Variants in CCDC144A observed in about 807,000 individuals in gnomAD.
The protein encoded by CCDC144A is coiled-coil domain-containing protein 144A.
A neutral mutation model predicts 143.8 loss-of-function variants in CCDC144A; 41 were observed. The observed-to-expected ratio is 0.29, with a 90% CI of 0.22 to 0.37. CCDC144A has a LOEUF of 0.37. Ranked by LOEUF, CCDC144A falls within the 10% of genes least tolerant of loss-of-function variation. The pLI, the probability that CCDC144A is intolerant of heterozygous loss-of-function variation, is 1.00. For missense variants in CCDC144A, 637 were observed against 1,488.8 expected (o/e 0.43, Z 9.41); for synonymous variants, 242 against 517.9 (o/e 0.47, Z 7.23).
chr17:16,713,908 T>A (rs1912593754), intron 6 of CCDC144A, among the ~76,000 whole-genome samples: 1 of 152,204 alleles, frequency 6.6e-6, no homozygotes, highest in South Asian at 2.1e-4. Context: ...TCTTGTCCAT[T>A]CACTCTTGAG....
At chr17:16,668,415 A>G in the CCDC144A span, among the ~76,000 whole-genome samples, 1 of 152,112 alleles carries the variant, frequency 6.6e-6, no homozygotes, top group South Asian at 2.1e-4. Context: ...CTAAGCTTCA[A>G]TTGTTTATAA....
At chr17:16,667,314 CTGAGGA>C in the CCDC144A span, among the ~76,000 whole-genome samples, 1 of 140,320 alleles carries the variant, frequency 7.1e-6, no homozygotes, top group Non-Finnish European at 1.5e-5. Flanking sequence ...GGCTGAGGGG[CTGAGGA>C]GGCTGAGGAG....
At chr17:16,753,381 T>C (rs1914890135) in intron 12 of CCDC144A, among the ~76,000 whole-genome samples, 1 of 151,568 alleles carries the variant, frequency 6.6e-6, no homozygotes, top group Non-Finnish European at 1.5e-5. Context: ...GCATGCAATA[T>C]CTTCCATGTT....
At chr17:16,690,794 T>C in intron 1 of CCDC144A, 50 bp downstream of exon 1, 1 of 1,538,826 alleles carries the variant, frequency 6.5e-7, no homozygotes, top group Non-Finnish European at 8.8e-7. Context: ...ACTGGCTTTC[T>C]GGTGCCCGCA....
Position 16,772,386 on chromosome 17 carries a change from G to A in CCDC144A, c.4141+367G>A, listed in dbSNP as rs1215826674. The stretch of plus-strand genomic sequence containing the variant: ...GGCCAAAACATCCCAGTCTCATCTA[G>A]TAACCTATTCAAGCAGTTACAGTTT... On this transcript the variant is annotated intron_variant, in intron 16 of 16. Coordinates refer to ENST00000399273, the MANE Select transcript of CCDC144A (RefSeq NM_001382000.1). 4.6e-5 allele frequency among the ~76,000 whole-genome samples: 7 copies of A among 151,818 alleles called. 1 individual carries two copies. Among genetic ancestry groups the A allele is most frequent in the Admixed American group, 3.9e-4 (6 of 15,224 alleles).
At chr17:16,729,734 A>G (rs2143224961) in intron 9 of CCDC144A, among the ~76,000 whole-genome samples, 1 of 151,294 alleles carries the variant, frequency 6.6e-6, no homozygotes, top group South Asian at 2.1e-4. Context: ...TTGTATTTTT[A>G]GTAAGACAAG....
At chr17:16,764,267 G>A in intron 15 of CCDC144A, 92 bp downstream of exon 15, 1 of 1,536,250 alleles carries the variant, frequency 6.5e-7, no homozygotes, top group Non-Finnish European at 8.8e-7. Flanking sequence ...CTTGTGTATG[G>A]TAAGTAAAAG....
rs1366849425 is a variant in CCDC144A at position 16,775,726 on chromosome 17, A to G, written c.*2093A>G. 1.3e-5 allele frequency: 2 copies of G among 152,264 alleles called. No individual in the cohort carries two copies. Among genetic ancestry groups the G allele is most frequent in the African/African-American group, 2.4e-5 (1 of 41,542 alleles). 9.4% of individuals were successfully genotyped at this position (152,264 alleles called of 1,614,324 possible). On this transcript the variant is annotated 3_prime_UTR_variant, in exon 17 of 17. Coordinates refer to ENST00000399273, the MANE Select transcript of CCDC144A (RefSeq NM_001382000.1). The stretch of plus-strand genomic sequence containing the variant: ...TAGTTTAATTAGATCCCATTTGTCA[A>G]TTTTGGCTTTTGTTGCAATTGCTTT...
upstream of CCDC144A, chr17:16,690,051 G>T (rs1229681113): frequency 2.2e-5 from 4 of 179,258 alleles, no homozygotes; most frequent in African/African-American, 9.4e-5. Flanking sequence ...TTTCTGGGAG[G>T]CTGGAGCTGC....
intron 12 of CCDC144A, among the ~76,000 whole-genome samples, chr17:16,757,994 G>A (rs1915178094): frequency 6.6e-6 from 1 of 152,134 alleles, no homozygotes; most frequent in Admixed American, 6.5e-5. Flanking sequence ...CTGAATTCCA[G>A]TATACTCTCT....
chr17:16,773,143 G>A (rs545974362), intron 16 of CCDC144A, among the ~76,000 whole-genome samples: 158 of 151,928 alleles, frequency 1.0e-3, no homozygotes, highest in African/African-American at 3.7e-3. Flanking sequence ...AGTTAACTAT[G>A]AAATATATAG....
the CCDC144A span, among the ~76,000 whole-genome samples, chr17:16,673,128 G>A: frequency 2.0e-5 from 3 of 151,960 alleles, no homozygotes. Flanking sequence ...TGTTGAGGTT[G>A]GTAGCATTTT....
intron 12 of CCDC144A, among the ~76,000 whole-genome samples, chr17:16,756,899 G>A (rs1291334204): frequency 1.2e-4 from 18 of 152,230 alleles, no homozygotes; most frequent in African/African-American, 2.4e-4. Flanking sequence ...CAACATCAGC[G>A]TCTGTAAGTT....
chr17:16,753,428 G>GTTTTTTTTGTTGTTGTTGTTGTTTTTT (rs1914896834), intron 12 of CCDC144A, among the ~76,000 whole-genome samples: 1 of 57,376 alleles, frequency 1.7e-5, no homozygotes, highest in African/African-American at 7.0e-5. Flanking sequence ...GTGTTTTGTA[G>GTTTTTTTTGTTGTTGTTGTTGTTTTTT]TTTTTTTTTT....
At chr17:16,684,970 A>C (rs1476722483), upstream of CCDC144A, among the ~76,000 whole-genome samples, 1 of 152,178 alleles carries the variant, frequency 6.6e-6, no homozygotes, top group Non-Finnish European at 1.5e-5. Context: ...ACAAAAAAAC[A>C]AAACAAACCC....
chr17:16,759,733 A>G (rs1298652180), intron 12 of CCDC144A, among the ~76,000 whole-genome samples: 1 of 152,250 alleles, frequency 6.6e-6, no homozygotes, highest in Non-Finnish European at 1.5e-5. Flanking sequence ...CTCCTGGTCC[A>G]ATGGTAATCC....
chr17:16,774,350 A>G lies in CCDC144A; in HGVS notation c.*717A>G, dbSNP rs1437575615. The stretch of plus-strand genomic sequence containing the variant: ...CTTCATAATCGGAAAGTTAACATCA[A>G]TACACTTGATCATTTAATTCTCAGT... On this transcript the variant is annotated 3_prime_UTR_variant, in exon 17 of 17. Transcript: ENST00000399273. 2 of 146,164 alleles carry G rather than the reference A, an allele frequency of 1.4e-5. No homozygotes were observed. The highest frequency in any genetic ancestry group is 3.0e-5 in the Non-Finnish European group (2 of 67,768). The allele number at this position is 146,164 out of a possible 1,614,324, so 9.1% of individuals were successfully genotyped here.
chr17:16,763,834 T>C, intron 14 of CCDC144A, 131 bp from the exon 15 acceptor site: 1 of 1,057,894 alleles, frequency 9.5e-7, no homozygotes, highest in South Asian at 1.9e-5. Flanking sequence ...TAACACATTT[T>C]CAGAGTTAAA....
At position 16,749,678 on chromosome 17, in the gene CCDC144A, A is replaced by G. The variant is rs185814825; in HGVS notation, c.3373-11747A>G. Among the ~76,000 whole-genome samples, 1,301 of 152,322 alleles carry G rather than the reference A, an allele frequency of 8.5e-3. 10 individuals carry two copies. Among genetic ancestry groups the G allele is most frequent in the Non-Finnish European group, 0.014 (946 of 68,024 alleles). On this transcript the variant is annotated intron_variant, in intron 12 of 16. Transcript: ENST00000399273. ...TGTCTCAATGATTTGCCTTAACACT[A>G]TCAATGAGATGTTGAAGATCCCCAC...
Sources: gnomAD v4.1 joint callset for allele counts (sites outside exome capture counted in the v4.1 genomes callset) on GRCh38, gnomAD v4.1.1 for gene constraint, MANE v1.5 for transcripts, NCBI Gene and HGNC (gene_info 2026-07-23, HGNC 2026-07-21) for gene names.